The following TBX21 variants were observed in gnomAD, a reference collection of about 807,000 sequenced individuals.
The protein encoded by TBX21 is T-box transcription factor 21, also known as T-box transcription factor TBX21.
In TBX21, 11 loss-of-function variants were observed where a neutral mutation model predicts 52.2. The observed-to-expected ratio is 0.21, with a 90% CI of 0.13 to 0.35. The LOEUF (loss-of-function observed/expected upper bound fraction) is 0.35. Ranked by LOEUF, TBX21 falls within the 10% of genes least tolerant of loss-of-function variation. The pLI, the probability that TBX21 is intolerant of heterozygous loss-of-function variation, is 1.00. For synonymous variants in TBX21, 300 were observed against 316.1 expected, an observed-to-expected ratio of 0.95 and a Z score of 0.54; for missense variants, 625 against 755.1, an observed-to-expected ratio of 0.83 and a Z score of 2.02.
chr17:47,733,528 G>A lies in TBX21; in HGVS notation c.74G>A (p.Arg25Gln). 1.3e-6 allele frequency: 2 copies of A among 1,492,166 alleles called. No homozygotes were observed. Among genetic ancestry groups the A allele is most frequent in the Admixed American group, 2.3e-5 (1 of 44,434 alleles). 92.4% of individuals were successfully genotyped at this position (1,492,166 alleles called of 1,614,324 possible). The change falls in exon 1 of 6, where the codon CGG becomes CAG. Residue 25 changes from arginine to glutamine, a missense_variant. Coordinates refer to ENST00000177694, the MANE Select transcript of TBX21 (RefSeq NM_013351.2). The surrounding 1 kb of genome is among the most constrained non-coding windows in gnomAD (Gnocchi z 6.6). ...TEPMPGSDEG[R>Q]APGADPQHRY... is the part of the protein sequence containing the mutation. Reference sequence around the variant, plus strand: ...CCGATGCCGGGGAGCGACGAGGGCCGGGCGCCTGGCGCCGACCCGCAGCAC... The same window carrying A: ...CCGATGCCGGGGAGCGACGAGGGCCAGGCGCCTGGCGCCGACCCGCAGCAC...
intron 1 of TBX21, among the ~76,000 whole-genome samples, chr17:47,735,434 C>T (rs1243965005): frequency 6.6e-6 from 1 of 152,108 alleles, no homozygotes; most frequent in Non-Finnish European, 1.5e-5. Context: ...TTGGGTGTAC[C>T]CAGACACAGC....
chr17:47,734,545 CAT>C (rs2032180768), intron 1 of TBX21, among the ~76,000 whole-genome samples: 1 of 131,834 alleles, frequency 7.6e-6, no homozygotes, highest in Admixed American at 7.9e-5. Context: ...ACTTTGAGAT[CAT>C]ATGTCTGGTG....
intron 4 of TBX21, 33 bp from the exon 5 acceptor site, chr17:47,744,449 G>T: frequency 1.2e-6 from 2 of 1,614,136 alleles, no homozygotes; most frequent in Non-Finnish European, 1.7e-6. Flanking sequence ...CCCAGACTCA[G>T]GACTCAGGTG....
In TBX21 at chr17:47,733,492, C is replaced by A; in HGVS notation, c.38C>A (p.Thr13Lys). The change falls in exon 1 of 6, where the codon ACG becomes AAG. Residue 13 changes from threonine to lysine, a missense_variant. Coordinates refer to ENST00000177694, the MANE Select transcript of TBX21 (RefSeq NM_013351.2). The surrounding 1 kb of genome is among the most constrained non-coding windows in gnomAD (Gnocchi z 6.6). Reference sequence around the variant, plus strand: ...GAGCCGGGTTGCGGAGACATGCTGACGGGCACCGAGCCGATGCCGGGGAGC... The same window carrying A: ...GAGCCGGGTTGCGGAGACATGCTGAAGGGCACCGAGCCGATGCCGGGGAGC... The part of the protein sequence containing the change: ...IVEPGCGDML[T>K]GTEPMPGSDE... The A allele has an allele frequency of 6.7e-7, 1 of 1,494,278 alleles. No homozygotes were observed. Among genetic ancestry groups the A allele is most frequent in the Non-Finnish European group, 8.9e-7 (1 of 1,127,862 alleles). The allele number at this position is 1,494,278 out of a possible 1,614,324, so 92.6% of individuals were successfully genotyped here.
chr17:47,733,999 C>T lies in TBX21; in HGVS notation c.491+54C>T. Reference sequence around the variant, plus strand: ...CTCTGTGCCCGCGCCGGAACAAGAACGTCTCGTCTGTTTTTCTGGCTCGAC... The same window carrying T: ...CTCTGTGCCCGCGCCGGAACAAGAATGTCTCGTCTGTTTTTCTGGCTCGAC... On this transcript the variant is annotated intron_variant, in intron 1 of 5. Transcript: ENST00000177694. This position sits in a 1 kb window ranked among gnomAD's most constrained non-coding sequence, Gnocchi z 6.6. The T allele has an allele frequency of 1.9e-6, 3 of 1,610,340 alleles. No individual in the cohort carries two copies. Among genetic ancestry groups the T allele is most frequent in the Non-Finnish European group, 2.5e-6 (3 of 1,178,490 alleles).
At chr17:47,744,022 C>T (rs752205971) in intron 3 of TBX21, among the ~76,000 whole-genome samples, 173 bp from the exon 4 acceptor site, 15 of 152,060 alleles carry the variant, frequency 9.9e-5, no homozygotes, top group Admixed American at 2.0e-4. Flanking sequence ...CCAAAGAGTC[C>T]GGACACTGGA....
chr17:47,743,391 T>G (rs2032289898), intron 3 of TBX21, among the ~76,000 whole-genome samples, 199 bp downstream of exon 3: 1 of 152,138 alleles, frequency 6.6e-6, no homozygotes, highest in South Asian at 2.1e-4. Context: ...CTCACCCACC[T>G]TGGGAGGAAG....
intron 1 of TBX21, among the ~76,000 whole-genome samples, chr17:47,734,177 G>A (rs561414016): frequency 1.3e-5 from 2 of 152,206 alleles, no homozygotes; most frequent in Non-Finnish European, 2.9e-5. Flanking sequence ...AGACGGGTGA[G>A]TGCGGGACAG....
At chr17:47,744,078 G>T in intron 3 of TBX21, 117 bp from the exon 4 acceptor site, 1 of 1,314,528 alleles carries the variant, frequency 7.6e-7, no homozygotes, top group Non-Finnish European at 1.1e-6. Flanking sequence ...GCAGGGGAAT[G>T]GACAGGATGA....
chr17:47,742,741 G>C lies in TBX21; in HGVS notation c.623G>C (p.Gly208Ala). Residue 208 changes from glycine (G) to alanine (A), a missense_variant, in exon 2 of 6, where the codon GGA becomes GCA. Physicochemically the swap from Gly to Ala is moderately conservative, Grantham distance 60. Around this residue, in one of 4 missense-constraint regions of TBX21, gnomAD observed 142 missense variants for 258.5 expected, o/e 0.55. Coordinates refer to ENST00000177694, the MANE Select transcript of TBX21 (RefSeq NM_013351.2). The surrounding 1 kb of genome is among the most constrained non-coding windows in gnomAD (Gnocchi z 4.4). ...RYQSGKWVQC[G>A]KAEGSMPGNR... ...CAGAGCGGCAAGTGGGTGCAGTGTGGAAAGGCCGAGGGCAGCATGCCAGGT... is the reference window on the plus strand; with the variant it reads ...CAGAGCGGCAAGTGGGTGCAGTGTGCAAAGGCCGAGGGCAGCATGCCAGGT... 6.3e-7 allele frequency: 1 copy of C among 1,578,690 alleles called. No individual in the cohort carries two copies. The highest frequency in any genetic ancestry group is 1.2e-5 in the South Asian group (1 of 86,326).
chr17:47,739,476 T>C (rs2032243675), intron 1 of TBX21, among the ~76,000 whole-genome samples: 2 of 318 alleles, frequency 6.3e-3, no homozygotes, highest in Admixed American at 0.083. Flanking sequence ...AAAATCAGTA[T>C]GGCCTGGCGC....
In TBX21 at chr17:47,745,086, G is replaced by T. The variant is rs1381640536; in HGVS notation, c.1328G>T (p.Gly443Val). The change falls in exon 6 of 6, where the codon GGC becomes GTC. Residue 443 changes from glycine (G) to valine (V), a missense_variant. Around this residue, in one of 4 missense-constraint regions of TBX21, gnomAD observed 261 missense variants for 275.1 expected, o/e 0.95. Transcript: ENST00000177694. ...GCACCCCAGTACCCTCCCAAGATGG[G>T]CCCGGCCAGCTGGTTCCGCCCTATG... ...PVAPQYPPKM[G>V]PASWFRPMRT... is the part of the protein sequence containing the mutation. The T allele has an allele frequency of 1.2e-6, 2 of 1,613,610 alleles. No homozygotes were observed. The highest frequency in any genetic ancestry group is 3.3e-5 in the Admixed American group (2 of 60,032).
chr17:47,738,004 C>T (rs2032225400), intron 1 of TBX21, among the ~76,000 whole-genome samples: 1 of 151,962 alleles, frequency 6.6e-6, no homozygotes, highest in Non-Finnish European at 1.5e-5. Flanking sequence ...CAGGCGGTCT[C>T]AAATCCCTGA....
chr17:47,733,450 C>T lies in TBX21; in HGVS notation c.-5C>T. 6.7e-7 allele frequency: 1 copy of T among 1,483,494 alleles called. No homozygotes were observed. Among genetic ancestry groups the T allele is most frequent in the Non-Finnish European group, 8.9e-7 (1 of 1,123,908 alleles). The allele number at this position is 1,483,494 out of a possible 1,614,324, so 91.9% of individuals were successfully genotyped here. On this transcript the variant is annotated 5_prime_UTR_variant, in exon 1 of 6. Coordinates refer to ENST00000177694, the MANE Select transcript of TBX21 (RefSeq NM_013351.2). The surrounding 1 kb of genome is among the most constrained non-coding windows in gnomAD (Gnocchi z 6.6). ...CGGCTACGGGAAGGTGCCAGCCCGCCCCGGATGGGCATCGTGGAGCCGGGT... is the reference window on the plus strand; with the variant it reads ...CGGCTACGGGAAGGTGCCAGCCCGCTCCGGATGGGCATCGTGGAGCCGGGT...
Position 47,742,719 on chromosome 17 carries a change from A to G in TBX21, c.601A>G (p.Ser201Gly). ...LVDQHHWRYQ[S>G]GKWVQCGKAE... ...GGACCAGCACCACTGGCGGTACCAG[A>G]GCGGCAAGTGGGTGCAGTGTGGAAA... Residue 201 changes from serine (S) to glycine (G), a missense_variant, in exon 2 of 6, where the codon AGC (serine) becomes GGC (glycine). Around this residue, in one of 4 missense-constraint regions of TBX21, gnomAD observed 142 missense variants for 258.5 expected, o/e 0.55. Coordinates refer to ENST00000177694, the MANE Select transcript of TBX21 (RefSeq NM_013351.2). The surrounding 1 kb of genome is among the most constrained non-coding windows in gnomAD (Gnocchi z 4.4). The G allele has an allele frequency of 6.3e-7, 1 of 1,587,866 alleles. No individual in the cohort carries two copies. The highest frequency in any genetic ancestry group is 8.6e-7 in the Non-Finnish European group (1 of 1,167,364).
Position 47,733,865 on chromosome 17 carries a change from G to A in TBX21, c.411G>A (p.Leu137=), listed in dbSNP as rs1456233664. The part of the protein sequence containing the change: ...LPAGLEVSGK[L]RVALNNHLLW... ...CGGGACTGGAGGTGTCGGGGAAACT[G>A]AGGGTCGCGCTCAACAACCACCTGT... Residue 137 remains leucine, a synonymous_variant, in exon 1 of 6, where the codon CTG becomes CTA. Coordinates refer to ENST00000177694, the MANE Select transcript of TBX21 (RefSeq NM_013351.2). This position sits in a 1 kb window ranked among gnomAD's most constrained non-coding sequence, Gnocchi z 6.6. The A allele has an allele frequency of 6.2e-7, 1 of 1,613,022 alleles. No homozygotes were observed. The highest frequency in any genetic ancestry group is 1.7e-5 in the Admixed American group (1 of 59,986).
rs1174237853 is a variant in TBX21, at chr17:47,744,825, C to G, written c.1067C>G (p.Ser356Cys). ...NCQFLGGDHY[S>C]PLLPNQYPVP... ...CAATTCCTTGGGGGAGATCACTACT[C>G]TCCTCTCCTACCCAACCAGTATCCT... The change falls in exon 6 of 6, where the codon TCT becomes TGT. Residue 356 changes from serine (S) to cysteine (C), a missense_variant. This residue lies in a region of TBX21 where 261 missense variants were observed against 275.1 expected (regional missense o/e 0.95). Coordinates refer to ENST00000177694, the MANE Select transcript of TBX21 (RefSeq NM_013351.2). 1.2e-6 allele frequency: 2 copies of G among 1,614,228 alleles called. No homozygotes were observed. The highest frequency in any genetic ancestry group is 1.7e-6 in the Non-Finnish European group (2 of 1,180,036).
intron 1 of TBX21, among the ~76,000 whole-genome samples, chr17:47,737,584 A>G (rs1434305908): frequency 1.3e-5 from 2 of 151,282 alleles, no homozygotes; most frequent in African/African-American, 4.9e-5. Context: ...CAGGAAGTGG[A>G]CTTGAACCTC....
chr17:47,743,264 G>A (rs2032287947), intron 3 of TBX21, 72 bp downstream of exon 3: 6 of 1,563,668 alleles, frequency 3.8e-6, no homozygotes, highest in Non-Finnish European at 5.2e-6. Flanking sequence ...AAGGCCACAA[G>A]GGTCCTGCGG....
Sources: allele counts gnomAD v4.1 joint callset (sites outside exome capture counted in the v4.1 genomes callset), GRCh38; gene constraint gnomAD v4.1.1; regional missense constraint gnomAD v4.1.1; non-coding constraint Gnocchi (gnomAD v3.1); transcripts MANE v1.5; gene names NCBI Gene and HGNC (gene_info 2026-07-23, HGNC 2026-07-21).